CLVS1: variants seen among roughly 807,000 people sequenced by gnomAD.
CLVS1 encodes clavesin-1.
Under a neutral mutation model 33.1 loss-of-function variants are expected in CLVS1, and 10 were observed. The ratio of observed to expected loss-of-function variants is 0.30; its 90% CI spans 0.19 to 0.51. The LOEUF (loss-of-function observed/expected upper bound fraction) is 0.51, where lower values mean the gene tolerates loss of function less well. Among genes scored for constraint, CLVS1 ranks in the 20% least tolerant of loss-of-function variants. CLVS1 has a pLI of 0.97. For missense variants in CLVS1, 343 were observed against 433.4 expected (o/e 0.79, Z 1.85); for synonymous variants, 163 against 166.1 (o/e 0.98, Z 0.14).
chr8:61,383,072 A>G (rs772995577), intron 3 of CLVS1, among the ~76,000 whole-genome samples: 28 of 152,006 alleles, frequency 1.8e-4, no homozygotes, highest in African/African-American at 6.8e-4. Flanking sequence ...AAATGAAATC[A>G]CTCTCAATTG....
chr8:61,097,577 C>T (rs550347962), intron 1 of CLVS1, among the ~76,000 whole-genome samples: 5 of 152,320 alleles, frequency 3.3e-5, no homozygotes, highest in African/African-American at 4.8e-5. Flanking sequence ...CTCTGCTTTA[C>T]AGACTATAGT....
At chr8:60,973,027 A>G in the CLVS1 span, among the ~76,000 whole-genome samples, 1 of 152,214 alleles carries the variant, frequency 6.6e-6, no homozygotes, top group South Asian at 2.1e-4. Flanking sequence ...GTTGAGGGCT[A>G]TGCCCAGAGC....
At chr8:61,284,303 C>T (rs373883364), upstream of CLVS1, among the ~76,000 whole-genome samples, 42 of 152,248 alleles carry the variant, frequency 2.8e-4, 2 homozygotes, top group African/African-American at 9.9e-4. Context: ...TGTTCCACTG[C>T]TATAGCAGAA....
At chr8:61,394,880 G>T (rs1261989333) in intron 3 of CLVS1, among the ~76,000 whole-genome samples, 1 of 152,156 alleles carries the variant, frequency 6.6e-6, no homozygotes, top group African/African-American at 2.4e-5. Context: ...CATTCTAACA[G>T]GTATGAGGTA....
At chr8:61,068,223 G>GTATATATATATATATATA (rs71521932) in intron 1 of CLVS1, among the ~76,000 whole-genome samples, 5 of 105,180 alleles carry the variant, frequency 4.8e-5, no homozygotes, top group South Asian at 2.9e-4. Context: ...ATATATGTAT[G>GTATATATATATATATATA]TATGTGTATA....
chr8:61,258,249 A>G (rs1809128117), intron 2 of CLVS1, among the ~76,000 whole-genome samples: 1 of 152,222 alleles, frequency 6.6e-6, no homozygotes, highest in Non-Finnish European at 1.5e-5. Context: ...GAGCTACTGC[A>G]TGTGTAAAAA....
rs79550098 is a variant in CLVS1, at chr8:61,310,871, C to A, written c.455+10589C>A. Among the ~76,000 whole-genome samples, 902 of 152,324 alleles carry A rather than the reference C, an allele frequency of 5.9e-3. 5 individuals carry two copies. Among genetic ancestry groups the A allele is most frequent in the Middle Eastern group, 0.024 (7 of 294 alleles). The stretch of plus-strand genomic sequence containing the variant: ...ATTGAAATGAGTGTTCATATAGAGA[C>A]TTTCTGTTGGCAAACAGAATCTCAG... On this transcript the variant is annotated intron_variant, in intron 2 of 5. Transcript: ENST00000325897.
At chr8:61,028,436 G>T in the CLVS1 span, among the ~76,000 whole-genome samples, 2 of 152,200 alleles carry the variant, frequency 1.3e-5, no homozygotes, top group African/African-American at 4.8e-5. Context: ...CATTACAAGT[G>T]AGATAATTAC....
Position 61,194,336 on chromosome 8 carries a change from G to A in CLVS1, c.-152+62476G>A, listed in dbSNP as rs190932608. ...CATCTAAAAATTAAGGTTAAGGAAAGACCAAAAGCCAAAGACGAAAGAAAT... is the reference window on the plus strand; with the variant it reads ...CATCTAAAAATTAAGGTTAAGGAAAAACCAAAAGCCAAAGACGAAAGAAAT... On this transcript the variant is annotated intron_variant, in intron 2 of 2. Transcript: ENST00000522621. 3.9e-5 allele frequency among the ~76,000 whole-genome samples: 6 copies of A among 151,990 alleles called. 1 individual carries two copies. In the East Asian group the frequency reaches 1.2e-3, roughly 29 times the overall value.
chr8:61,313,660 G>T (rs1810918005), intron 2 of CLVS1, among the ~76,000 whole-genome samples: 1 of 152,152 alleles, frequency 6.6e-6, no homozygotes, highest in Non-Finnish European at 1.5e-5. Context: ...AGTGCAGGGG[G>T]CAGTGGTGTC....
the CLVS1 span, among the ~76,000 whole-genome samples, chr8:61,022,035 C>T: frequency 6.6e-6 from 1 of 152,140 alleles, no homozygotes; most frequent in African/African-American, 2.4e-5. Context: ...AAGTCAAAGT[C>T]TTCTATAGTT....
At chr8:61,253,309 T>C (rs1254088391) in intron 2 of CLVS1, among the ~76,000 whole-genome samples, 1 of 152,222 alleles carries the variant, frequency 6.6e-6, no homozygotes, top group Non-Finnish European at 1.5e-5. Context: ...CTGATGGACT[T>C]CCCTTTATGG....
At chr8:61,275,926 T>A (rs1809554043) in intron 2 of CLVS1, among the ~76,000 whole-genome samples, 1 of 152,206 alleles carries the variant, frequency 6.6e-6, no homozygotes, top group South Asian at 2.1e-4. Context: ...TTTAAGAAGA[T>A]CATATGGTTT....
At chr8:60,982,951 AC>A in the CLVS1 span, among the ~76,000 whole-genome samples, 1 of 150,666 alleles carries the variant, frequency 6.6e-6, no homozygotes, top group African/African-American at 2.4e-5. Flanking sequence ...AAACAAACAA[AC>A]CCCCCACACC....
intron 2 of CLVS1, among the ~76,000 whole-genome samples, chr8:61,305,374 A>G (rs750125847): frequency 1.3e-5 from 2 of 151,786 alleles, no homozygotes; most frequent in African/African-American, 2.4e-5. Flanking sequence ...TCTACTCTCT[A>G]TCTTCATGAG....
intron 3 of CLVS1, among the ~76,000 whole-genome samples, chr8:61,410,852 G>A (rs1359540598): frequency 6.6e-6 from 1 of 152,122 alleles, no homozygotes; most frequent in East Asian, 1.9e-4. Context: ...ATGTTGGCCA[G>A]GCTGGTCTTG....
rs1174661820 is a variant in CLVS1, at chr8:61,406,617, G to GT, written c.630+29839dup. The stretch of plus-strand genomic sequence containing the variant: ...GGTTTGACATAGATTTGTTTTTTTT[G>GT]TGGGGGGGGGGATGGAGTCTTGCTC... On this transcript the variant is annotated intron_variant, in intron 3 of 5. Coordinates refer to ENST00000325897, the MANE Select transcript of CLVS1 (RefSeq NM_173519.3). Among the ~76,000 whole-genome samples, 6 of 148,820 alleles carry GT rather than the reference G, an allele frequency of 4.0e-5. No homozygotes were observed. The East Asian group carries it at 5.8e-4, about 14-fold the overall frequency.
At chr8:61,471,391 A>G (rs72657072) in intron 5 of CLVS1, among the ~76,000 whole-genome samples, 2 of 152,140 alleles carry the variant, frequency 1.3e-5, no homozygotes, top group African/African-American at 2.4e-5. Context: ...TTCCAAATAA[A>G]AGTTTTCTCA....
chr8:61,231,765 G>A (rs1808437473), intron 2 of CLVS1, among the ~76,000 whole-genome samples: 1 of 152,192 alleles, frequency 6.6e-6, no homozygotes, highest in South Asian at 2.1e-4. Flanking sequence ...GGAATTGCCT[G>A]AATAAATTAT....
Sources: gnomAD v4.1 joint callset for allele counts (sites outside exome capture counted in the v4.1 genomes callset) on GRCh38, gnomAD v4.1.1 for gene constraint, MANE v1.5 for transcripts, NCBI Gene and HGNC (gene_info 2026-07-23, HGNC 2026-07-21) for gene names.